Variants in DIAPH3 observed in about 807,000 individuals in gnomAD.
DIAPH3 encodes the protein diaphanous related formin 3, also known as protein diaphanous homolog 3.
A neutral mutation model predicts 144.3 loss-of-function variants in DIAPH3; 117 were observed. The ratio of observed to expected loss-of-function variants is 0.81; its 90% CI spans 0.70 to 0.95. The LOEUF (loss-of-function observed/expected upper bound fraction) is 0.95, where lower values mean the gene tolerates loss of function less well. DIAPH3 is among the 40% of genes least tolerant of loss of function. The probability of loss-of-function intolerance (pLI) is 0.00; values close to 1 mark genes in which losing one functional copy is unlikely to be tolerated. For synonymous variants in DIAPH3, 519 were observed against 488.9 expected (o/e 1.06, Z -0.81); for missense variants, 1,421 against 1,412.7 (o/e 1.01, Z -0.09).
chr13:59,931,466 C>G (rs1205556675), intron 17 of DIAPH3, among the ~76,000 whole-genome samples: 1 of 152,184 alleles, frequency 6.6e-6, no homozygotes, highest in Non-Finnish European at 1.5e-5. Context: ...CACCATTGTT[C>G]TGACTTTTTT....
At chr13:59,702,658 T>A (rs987847607) in intron 27 of DIAPH3, among the ~76,000 whole-genome samples, 3 of 152,238 alleles carry the variant, frequency 2.0e-5, no homozygotes, top group Middle Eastern at 3.4e-3. Flanking sequence ...AGCCTTGAGA[T>A]CCCCCTCCTT....
intron 27 of DIAPH3, among the ~76,000 whole-genome samples, chr13:59,693,694 T>C (rs143747139): frequency 2.6e-5 from 4 of 152,140 alleles, no homozygotes; most frequent in Admixed American, 2.0e-4. Context: ...AAAATGATAA[T>C]GTTTTTAATA....
intron 27 of DIAPH3, among the ~76,000 whole-genome samples, chr13:59,757,568 T>G (rs924852011): frequency 1.3e-5 from 2 of 151,822 alleles, no homozygotes; most frequent in East Asian, 3.9e-4. Flanking sequence ...GCCCGGCTAA[T>G]TTTTTGTATT....
At chr13:59,766,156 A>G (rs535915700) in intron 27 of DIAPH3, among the ~76,000 whole-genome samples, 39 of 152,238 alleles carry the variant, frequency 2.6e-4, no homozygotes, top group African/African-American at 9.4e-4. Flanking sequence ...CTGCCTGAGC[A>G]TTGTGGTCAC....
intron 3 of DIAPH3, among the ~76,000 whole-genome samples, chr13:60,098,997 T>C (rs2058187170): frequency 6.6e-6 from 1 of 152,204 alleles, no homozygotes; most frequent in African/African-American, 2.4e-5. Flanking sequence ...CAACTGGCTA[T>C]TGGGCTGAAT....
Position 59,849,872 on chromosome 13 carries a change from G to A in DIAPH3, c.2738-10424C>T, listed in dbSNP as rs2042862522. ...ATGTGAAGAAAGTCATTGGTAGCTT[G>A]ATGGGGATGGCATTGAATCTGTAAA... On this transcript the variant is annotated intron_variant, in intron 22 of 27. Coordinates refer to ENST00000400324, the MANE Select transcript of DIAPH3 (RefSeq NM_001042517.2). Among the ~76,000 whole-genome samples, 10 of 144,328 alleles carry A rather than the reference G, an allele frequency of 6.9e-5. No individual in the cohort carries two copies. The South Asian group carries it at 2.3e-3, about 34-fold the overall frequency. 94.7% of individuals were successfully genotyped at this position (144,328 alleles called of 152,430 possible). A position where few individuals can be genotyped will look rare whatever the true frequency, so the allele number is the denominator to read the frequency against.
At chr13:59,894,059 T>C (rs1260489446) in intron 20 of DIAPH3, among the ~76,000 whole-genome samples, 11 of 152,148 alleles carry the variant, frequency 7.2e-5, no homozygotes, top group Admixed American at 2.6e-4. Context: ...TGGGTTATGC[T>C]TTATTTCAAG....
At chr13:59,972,571 T>C (rs957828865) in intron 15 of DIAPH3, among the ~76,000 whole-genome samples, 2 of 152,116 alleles carry the variant, frequency 1.3e-5, no homozygotes, top group Admixed American at 1.3e-4. Flanking sequence ...ATAAAAGAAG[T>C]TGAGGCCACA....
intron 24 of DIAPH3, among the ~76,000 whole-genome samples, chr13:59,825,506 G>A (rs1257922461): frequency 2.6e-5 from 4 of 152,186 alleles, no homozygotes; most frequent in African/African-American, 9.7e-5. Flanking sequence ...ATGGGTGCAT[G>A]TGTCTTTACA....
intron 27 of DIAPH3, among the ~76,000 whole-genome samples, chr13:59,678,152 G>T (rs975385902): frequency 2.0e-5 from 3 of 152,094 alleles, no homozygotes; most frequent in Non-Finnish European, 4.4e-5. Flanking sequence ...CTATGTGGGG[G>T]TTAGGTTCAC....
intron 17 of DIAPH3, among the ~76,000 whole-genome samples, chr13:59,930,509 T>C (rs537691799): frequency 1.8e-3 from 281 of 152,080 alleles, no homozygotes; most frequent in African/African-American, 6.5e-3. Flanking sequence ...GACACAACAA[T>C]AGAAGAATAG....
intron 23 of DIAPH3, among the ~76,000 whole-genome samples, chr13:59,835,794 C>T (rs1041992412): frequency 6.6e-6 from 1 of 151,690 alleles, no homozygotes. Flanking sequence ...ATTTTACTTC[C>T]TAGTCGCCAC....
intron 20 of DIAPH3, among the ~76,000 whole-genome samples, chr13:59,880,350 GGTAATAGTAAAA>G (rs1566458677): frequency 2.6e-5 from 4 of 151,996 alleles, no homozygotes; most frequent in Admixed American, 1.3e-4. Flanking sequence ...CTGAAGGGGC[GGTAATAGTAAAA>G]TTGTTGAACT....
chr13:60,017,751 A>C (rs749527382), intron 5 of DIAPH3, among the ~76,000 whole-genome samples: 1 of 152,208 alleles, frequency 6.6e-6, no homozygotes. Context: ...TGAAATAACT[A>C]ATTTTTAAAA....
At chr13:59,839,087 G>A (rs943007545) in intron 23 of DIAPH3, 3 of 375,066 alleles carry the variant, frequency 8.0e-6, no homozygotes, top group Non-Finnish European at 1.5e-5. Flanking sequence ...CTCCAGCCTG[G>A]GTTTCAAAAA....
chr13:59,866,266 AAAAAGG>A (rs1156370674), intron 21 of DIAPH3, among the ~76,000 whole-genome samples: 2 of 152,036 alleles, frequency 1.3e-5, no homozygotes, highest in Non-Finnish European at 2.9e-5. Context: ...TCCATTATTT[AAAAAGG>A]AAAATGGAAA....
chr13:59,720,370 A>G (rs192646433), intron 27 of DIAPH3, among the ~76,000 whole-genome samples: 1 of 152,276 alleles, frequency 6.6e-6, no homozygotes, highest in African/African-American at 2.4e-5. Flanking sequence ...ACTAAATTCT[A>G]AAAACTGTAA....
intron 4 of DIAPH3, among the ~76,000 whole-genome samples, chr13:60,052,855 G>A (rs2056401615): frequency 6.7e-6 from 1 of 149,014 alleles, no homozygotes; most frequent in African/African-American, 2.5e-5. Flanking sequence ...CAGCTACTTG[G>A]GAGGCTGAGG....
At chr13:59,825,225 C>T (rs1189123983) in intron 24 of DIAPH3, among the ~76,000 whole-genome samples, 1 of 151,984 alleles carries the variant, frequency 6.6e-6, no homozygotes, top group African/African-American at 2.4e-5. Flanking sequence ...GTGTGATGCT[C>T]CCCTTCCTGT....
Sources: gnomAD v4.1 joint callset for allele counts (sites outside exome capture counted in the v4.1 genomes callset) on GRCh38, gnomAD v4.1.1 for gene constraint, MANE v1.5 for transcripts, NCBI Gene and HGNC (gene_info 2026-07-23, HGNC 2026-07-21) for gene names.